The following SPAG1 variants were observed in gnomAD, a reference collection of about 807,000 sequenced individuals.
SPAG1 encodes sperm associated antigen 1, also known as sperm-associated antigen 1.
In SPAG1, 69 loss-of-function variants were observed where a neutral mutation model predicts 100.5. That is an observed-to-expected ratio of 0.69 (90% confidence interval 0.57 to 0.84). The LOEUF (loss-of-function observed/expected upper bound fraction) is 0.84. Ranked by LOEUF, SPAG1 falls within the 40% of genes least tolerant of loss-of-function variation. The pLI, the probability that SPAG1 is intolerant of heterozygous loss-of-function variation, is 0.00. For synonymous variants in SPAG1, 336 were observed against 411.6 expected (o/e 0.82, Z 2.22); for missense variants, 955 against 1,133.1 (o/e 0.84, Z 2.26).
chr8:100,177,913 G>A lies in SPAG1; in HGVS notation c.398G>A (p.Gly133Asp), dbSNP rs147984546. The change falls in exon 4 of 19, where the codon GGT (glycine) becomes GAT (aspartate). Residue 133 changes from glycine to aspartate, a missense_variant. Physicochemically the swap from Gly to Asp is moderately conservative, Grantham distance 94. Transcript: ENST00000388798. The stretch of plus-strand genomic sequence containing the variant: ...AAAGATAATTTGCCTCCAGTTCGTG[G>A]TTCAAACAGCTGTCTTCATGTAGGC... ...AMKDNLPPVR[G>D]SNSCLHVGKE... is the part of the protein sequence containing the mutation. 1.9e-4 allele frequency: 304 copies of A among 1,612,858 alleles called. No homozygotes were observed. The African/African-American group carries it at 3.4e-3, about 18-fold the overall frequency.
At chr8:100,213,027 G>T in intron 10 of SPAG1, 63 bp from the exon 11 acceptor site, 1 of 1,325,966 alleles carries the variant, frequency 7.5e-7, no homozygotes. Flanking sequence ...CGGCCTCCGC[G>T]GCCTCCGCGG....
At chr8:100,184,770 T>A in intron 7 of SPAG1, 37 bp downstream of exon 7, 1 of 1,144,750 alleles carries the variant, frequency 8.7e-7, no homozygotes, top group Non-Finnish European at 1.3e-6. Flanking sequence ...ACTTGCCTTT[T>A]AAAAAATGAT....
At chr8:100,200,639 C>G (rs1367074883) in intron 10 of SPAG1, among the ~76,000 whole-genome samples, 1 of 152,216 alleles carries the variant, frequency 6.6e-6, no homozygotes, top group Non-Finnish European at 1.5e-5. Context: ...GATTGCCATT[C>G]TAACTGGTGT....
chr8:100,212,883 A>C (rs1817773319), intron 10 of SPAG1, among the ~76,000 whole-genome samples: 1 of 91,814 alleles, frequency 1.1e-5, no homozygotes, highest in Non-Finnish European at 2.2e-5. Context: ...CCGAGTCCTC[A>C]GGAAGCCGCA....
At chr8:100,199,833 TA>T (rs1817191130) in intron 10 of SPAG1, among the ~76,000 whole-genome samples, 1 of 152,238 alleles carries the variant, frequency 6.6e-6, no homozygotes, top group Non-Finnish European at 1.5e-5. Context: ...AGACCCTTAT[TA>T]AATATGATTT....
intron 3 of SPAG1, among the ~76,000 whole-genome samples, chr8:100,167,120 C>T (rs1015844534): frequency 1.3e-5 from 2 of 151,784 alleles, no homozygotes; most frequent in Non-Finnish European, 2.9e-5. Flanking sequence ...GAGTTCAAGG[C>T]CAGCCTAGAC....
intron 9 of SPAG1, among the ~76,000 whole-genome samples, chr8:100,193,810 C>A (rs1232329114): frequency 4.6e-5 from 7 of 152,228 alleles, no homozygotes; most frequent in Admixed American, 2.6e-4. Context: ...AACTGTACAT[C>A]TCTGTGGGTA....
chr8:100,235,397 C>G (rs1176915809), intron 16 of SPAG1, among the ~76,000 whole-genome samples: 2 of 151,902 alleles, frequency 1.3e-5, no homozygotes, highest in Admixed American at 6.6e-5. Context: ...AGGGAAGGGG[C>G]CAATTCAAGG....
At position 100,160,292 on chromosome 8, in the gene SPAG1, G is replaced by C. The variant is rs116667120; in HGVS notation, c.-3+1676G>C. On this transcript the variant is annotated intron_variant, in intron 1 of 18. Transcript: ENST00000388798. ...AAGTAAGTTCTTTCACAAACTAGAA[G>C]GGAAGACAAATAAACATAATTCAAA... Among the ~76,000 whole-genome samples the C allele has an allele frequency of 6.4e-3, 967 of 152,250 alleles. 9 individuals are homozygous for C. The highest frequency in any genetic ancestry group is 0.021 in the African/African-American group (889 of 41,546).
intron 12 of SPAG1, among the ~76,000 whole-genome samples, chr8:100,216,718 C>T (rs1015638215): frequency 1.3e-5 from 2 of 152,112 alleles, no homozygotes; most frequent in Non-Finnish European, 2.9e-5. Flanking sequence ...GGAGATGAGG[C>T]CCAGCAGGGG....
At chr8:100,164,361 A>G (rs1368343932) in intron 2 of SPAG1, among the ~76,000 whole-genome samples, 1 of 152,248 alleles carries the variant, frequency 6.6e-6, no homozygotes, top group African/African-American at 2.4e-5. Flanking sequence ...TTTGGTTGAT[A>G]TTAAACTGAA....
At chr8:100,230,001 C>A (rs1818693503) in intron 14 of SPAG1, among the ~76,000 whole-genome samples, 1 of 152,106 alleles carries the variant, frequency 6.6e-6, no homozygotes, top group South Asian at 2.1e-4. Context: ...AGCCTTAAAT[C>A]CCACAGGAAA....
intron 14 of SPAG1, among the ~76,000 whole-genome samples, chr8:100,225,860 G>A (rs971849350): frequency 6.6e-6 from 1 of 151,714 alleles, no homozygotes; most frequent in African/African-American, 2.4e-5. Context: ...TGAGACAGGG[G>A]CTTGCTCTGT....
chr8:100,187,310 T>A lies in SPAG1; in HGVS notation c.832+60T>A, dbSNP rs558967149. ...GCAGGATCCATTAATAAAGACCATT[T>A]GTAGATACTTGTAATGTTTACATTA... On this transcript the variant is annotated intron_variant, in intron 8 of 18. Coordinates refer to ENST00000388798, the MANE Select transcript of SPAG1 (RefSeq NM_003114.5). 1.0e-5 allele frequency: 14 copies of A among 1,341,224 alleles called. No homozygotes were observed. In the South Asian group the frequency reaches 1.9e-4, roughly 18 times the overall value. 83.1% of individuals were successfully genotyped at this position (1,341,224 alleles called of 1,614,324 possible).
chr8:100,199,092 A>T (rs1817155794), intron 10 of SPAG1, among the ~76,000 whole-genome samples: 1 of 152,122 alleles, frequency 6.6e-6, no homozygotes, highest in Non-Finnish European at 1.5e-5. Flanking sequence ...TCATGTACAG[A>T]TTTTTGTTTG....
rs779494908 is a variant in SPAG1 at position 100,241,020 on chromosome 8, TA to T, written c.*1del. ...GGCCCTAAAAAGGCAGTATGAGCTT[TA>T]AATCAAGATAATTGTTAGATTTCTT... ...IQALKRQYEL[*>X] On this transcript the variant is annotated frameshift_variant and stop_lost, in exon 19 of 19. Transcript: ENST00000388798. LOFTEE classifies it high-confidence loss of function. The surrounding 1 kb of genome is among the most constrained non-coding windows in gnomAD (Gnocchi z 5.1). 3.7e-6 allele frequency: 6 copies of T among 1,609,800 alleles called. No homozygotes were observed. The highest frequency in any genetic ancestry group is 5.1e-6 in the Non-Finnish European group (6 of 1,178,634).
chr8:100,208,824 G>C (rs1278088596), intron 10 of SPAG1, among the ~76,000 whole-genome samples: 1 of 152,092 alleles, frequency 6.6e-6, no homozygotes, highest in African/African-American at 2.4e-5. Context: ...TATTATGTTA[G>C]GTGTAATTAT....
chr8:100,227,438 G>GC (rs1818564051), intron 14 of SPAG1, among the ~76,000 whole-genome samples: 1 of 152,090 alleles, frequency 6.6e-6, no homozygotes, highest in Non-Finnish European at 1.5e-5. Flanking sequence ...GCTAGTGTTG[G>GC]ACCCTCATTT....
chr8:100,207,914 A>G (rs542727714), intron 10 of SPAG1, among the ~76,000 whole-genome samples: 1 of 152,166 alleles, frequency 6.6e-6, no homozygotes, highest in Admixed American at 6.5e-5. Flanking sequence ...AGGTGACAAT[A>G]CTTTGCAGGG....
Sources: gnomAD v4.1 joint callset for allele counts (sites outside exome capture counted in the v4.1 genomes callset) on GRCh38, gnomAD v4.1.1 for gene constraint, Gnocchi (gnomAD v3.1) non-coding constraint, MANE v1.5 for transcripts, NCBI Gene and HGNC (gene_info 2026-07-23, HGNC 2026-07-21) for gene names.